The following RHBDD1 variants were observed in gnomAD, a reference collection of about 807,000 sequenced individuals.
RHBDD1 encodes the protein rhomboid-related protein 4.
A neutral mutation model predicts 36.3 loss-of-function variants in RHBDD1; 38 were observed. The observed-to-expected ratio is 1.05, with a 90% CI of 0.81 to 1.37. The LOEUF (loss-of-function observed/expected upper bound fraction) is 1.37, where lower values mean the gene tolerates loss of function less well. Ranked by LOEUF, RHBDD1 falls within the 40% of genes most tolerant of loss-of-function variation. The probability of loss-of-function intolerance (pLI) is 0.00; values close to 1 mark genes in which losing one functional copy is unlikely to be tolerated. For synonymous variants in RHBDD1, 151 were observed against 136.5 expected (o/e 1.11, Z -0.74); for missense variants, 393 against 377.6 (o/e 1.04, Z -0.34).
intron 8 of RHBDD1, among the ~76,000 whole-genome samples, chr2:226,951,261 G>A (rs1374803612): frequency 6.6e-6 from 1 of 152,070 alleles, no homozygotes; most frequent in African/African-American, 2.4e-5. Context: ...TCTTTCTGTA[G>A]TACTGGGGTT....
intron 7 of RHBDD1, among the ~76,000 whole-genome samples, chr2:226,911,719 A>G (rs912360698): frequency 1.3e-5 from 2 of 152,024 alleles, no homozygotes; most frequent in Non-Finnish European, 2.9e-5. Context: ...ATAAATGTTC[A>G]TATTTAAAAT....
rs1011873354 is a variant in RHBDD1 at position 226,892,855 on chromosome 2, C to A, written c.567-13938C>A. ...AAAAATCACTAAACAGAAAAAAAAA[C>A]CAATGTCAGGACCTTACCCCAGAGC... On this transcript the variant is annotated intron_variant, in intron 5 of 8. Transcript: ENST00000392062. 5.9e-5 allele frequency among the ~76,000 whole-genome samples: 9 copies of A among 152,016 alleles called. No individual in the cohort carries two copies. In the Middle Eastern group the frequency reaches 0.01, roughly 172 times the overall value.
intron 8 of RHBDD1, among the ~76,000 whole-genome samples, chr2:226,970,391 CT>C (rs1281117690): frequency 7.9e-5 from 12 of 151,976 alleles, no homozygotes; most frequent in Non-Finnish European, 1.3e-4. Context: ...CTAAAATAAG[CT>C]TTTTTCCCCC....
intron 8 of RHBDD1, among the ~76,000 whole-genome samples, chr2:226,966,759 G>C (rs955925985): frequency 3.9e-5 from 6 of 152,066 alleles, no homozygotes; most frequent in African/African-American, 1.4e-4. Context: ...TCAAACTCCT[G>C]GACTCAAGCA....
the RHBDD1 span, among the ~76,000 whole-genome samples, chr2:226,822,031 A>G: frequency 6.6e-6 from 1 of 152,226 alleles, no homozygotes; most frequent in African/African-American, 2.4e-5. Context: ...CTAGTGGTAG[A>G]GCTGAAAATC....
chr2:226,805,317 ATTC>A, the RHBDD1 span, among the ~76,000 whole-genome samples: 2 of 152,276 alleles, frequency 1.3e-5, no homozygotes, highest in East Asian at 3.9e-4. Flanking sequence ...GGTTGAAGCA[ATTC>A]TTCTGCCTCA....
At chr2:226,858,238 A>C (rs375833281) in intron 3 of RHBDD1, among the ~76,000 whole-genome samples, 8 of 152,206 alleles carry the variant, frequency 5.3e-5, no homozygotes, top group African/African-American at 1.9e-4. Flanking sequence ...AAACTTACCA[A>C]AGGCATGAAA....
At chr2:226,904,368 C>A (rs761216433) in intron 5 of RHBDD1, among the ~76,000 whole-genome samples, 31 of 137,066 alleles carry the variant, frequency 2.3e-4, no homozygotes, top group Admixed American at 1.8e-3. Flanking sequence ...TAAGCATGCA[C>A]GGTCACCAAA....
intron 8 of RHBDD1, chr2:226,942,661 C>T (rs76078873): frequency 0.014 from 2,564 of 177,524 alleles, 65 homozygotes; most frequent in African/African-American, 0.058. Flanking sequence ...AATTATCTTA[C>T]TTTTGTCTTT....
intron 8 of RHBDD1, among the ~76,000 whole-genome samples, chr2:226,947,584 A>C (rs897295695): frequency 2.6e-5 from 4 of 152,138 alleles, no homozygotes; most frequent in South Asian, 2.1e-4. Flanking sequence ...TTGGCGATGC[A>C]GGCTCTTTTT....
At chr2:226,993,934 A>T (rs571185375) in intron 8 of RHBDD1, among the ~76,000 whole-genome samples, 1 of 152,202 alleles carries the variant, frequency 6.6e-6, no homozygotes, top group Non-Finnish European at 1.5e-5. Flanking sequence ...GGCAATGAGC[A>T]AGAGGGATCC....
chr2:226,971,909 CTTT>C (rs11305868), intron 8 of RHBDD1, among the ~76,000 whole-genome samples: 1 of 146,398 alleles, frequency 6.8e-6, no homozygotes. Context: ...CAAAAGCCCA[CTTT>C]TTTTTTTTTT....
chr2:226,960,802 C>T (rs1952138882), intron 8 of RHBDD1, among the ~76,000 whole-genome samples: 1 of 152,192 alleles, frequency 6.6e-6, no homozygotes, highest in Non-Finnish European at 1.5e-5. Flanking sequence ...ATGCCCCCTG[C>T]AGCACTCATA....
intron 5 of RHBDD1, among the ~76,000 whole-genome samples, chr2:226,877,706 C>T (rs1455598491): frequency 6.6e-6 from 1 of 152,134 alleles, no homozygotes; most frequent in African/African-American, 2.4e-5. Context: ...TCTTTCTTTG[C>T]TATACAGCTG....
At chr2:226,841,663 C>A (rs1574740600) in intron 3 of RHBDD1, among the ~76,000 whole-genome samples, 2 of 152,060 alleles carry the variant, frequency 1.3e-5, no homozygotes, top group African/African-American at 4.8e-5. Context: ...CATAATATTT[C>A]ATATGTACCA....
chr2:226,883,127 AT>A (rs1297381856), intron 5 of RHBDD1, among the ~76,000 whole-genome samples: 7 of 152,304 alleles, frequency 4.6e-5, no homozygotes, highest in Non-Finnish European at 1.0e-4. Flanking sequence ...TGTGACACTT[AT>A]TTTTATTTAT....
chr2:226,948,094 G>A (rs1281697404), intron 8 of RHBDD1, among the ~76,000 whole-genome samples: 1 of 151,362 alleles, frequency 6.6e-6, no homozygotes, highest in African/African-American at 2.4e-5. Context: ...TATAAATCAT[G>A]CTGCTATAAA....
At chr2:226,839,051 T>C (rs190139765) in intron 2 of RHBDD1, among the ~76,000 whole-genome samples, 1 of 152,354 alleles carries the variant, frequency 6.6e-6, no homozygotes, top group Admixed American at 6.5e-5. Context: ...TAATATTTTT[T>C]TAAAACACGA....
At chr2:226,858,224 A>C (rs1302967652) in intron 3 of RHBDD1, among the ~76,000 whole-genome samples, 1 of 152,226 alleles carries the variant, frequency 6.6e-6, no homozygotes, top group Non-Finnish European at 1.5e-5. Context: ...AAAACTGTTA[A>C]ATGAAACTTA....
Sources: gnomAD v4.1 joint callset for allele counts (sites outside exome capture counted in the v4.1 genomes callset) on GRCh38, gnomAD v4.1.1 for gene constraint, MANE v1.5 for transcripts, NCBI Gene and HGNC (gene_info 2026-07-23, HGNC 2026-07-21) for gene names.